Variants in NRG3 observed in about 807,000 individuals in gnomAD.
The protein encoded by NRG3 is neuregulin 3.
A neutral mutation model predicts 66.9 loss-of-function variants in NRG3; 31 were observed. That is an observed-to-expected ratio of 0.46 (90% CI 0.35 to 0.63). The LOEUF is 0.63. Ranked by LOEUF, NRG3 falls within the 20% of genes least tolerant of loss-of-function variation. NRG3 has a pLI of 0.00. For missense variants in NRG3, 910 were observed against 878.9 expected (o/e 1.04, Z -0.45); for synonymous variants, 393 against 359.4 (o/e 1.09, Z -1.06).
chr10:81,908,449 C>T (rs568081321), intron 1 of NRG3, among the ~76,000 whole-genome samples: 10 of 152,174 alleles, frequency 6.6e-5, no homozygotes, highest in African/African-American at 1.2e-4. Flanking sequence ...TGAAACATGC[C>T]GTACCCACTT....
chr10:81,924,844 G>C lies in NRG3; in HGVS notation c.823+48681G>C, dbSNP rs191551864. Among the ~76,000 whole-genome samples, 177 of 152,122 alleles carry C rather than the reference G, an allele frequency of 1.2e-3. 1 individual carries two copies. The highest frequency in any genetic ancestry group is 0.01 in the Middle Eastern group (3 of 294). On this transcript the variant is annotated intron_variant, in intron 1 of 8. Transcript: ENST00000372141. ...TGTTGTTTAATTGAGTGGATTTCCTGTTTGATAATTACTATTCTGTAGTTC... is the reference window on the plus strand; with the variant it reads ...TGTTGTTTAATTGAGTGGATTTCCTCTTTGATAATTACTATTCTGTAGTTC...
intron 1 of NRG3, among the ~76,000 whole-genome samples, chr10:81,902,507 T>C (rs1490025681): frequency 5.9e-5 from 9 of 152,118 alleles, no homozygotes; most frequent in Non-Finnish European, 1.2e-4. Context: ...CTTTCTCTGC[T>C]CTTGGGCATT....
chr10:82,813,254 C>T (rs2061569888), intron 3 of NRG3, among the ~76,000 whole-genome samples: 1 of 120,532 alleles, frequency 8.3e-6, no homozygotes, highest in South Asian at 2.7e-4. Context: ...TGCTCTGTTG[C>T]CCAGGCTGGA....
At position 82,644,630 on chromosome 10, in the gene NRG3, A is replaced by G. The variant is rs531116334; in HGVS notation, c.954-93947A>G. Among the ~76,000 whole-genome samples, 8 of 152,290 alleles carry G rather than the reference A, an allele frequency of 5.3e-5. No homozygotes were observed. The South Asian group carries it at 1.7e-3, about 32-fold the overall frequency. ...TAGCAATATTTAAATGAATGTGCAA[A>G]TAGAGGCAAAATTTGTTTTTTCTTC... On this transcript the variant is annotated intron_variant, in intron 2 of 8. Transcript: ENST00000372141.
At chr10:82,430,890 G>A (rs568016173) in intron 2 of NRG3, among the ~76,000 whole-genome samples, 1 of 152,146 alleles carries the variant, frequency 6.6e-6, no homozygotes, top group East Asian at 1.9e-4. Flanking sequence ...TTACAACTCT[G>A]TTTTAACCTT....
intron 2 of NRG3, among the ~76,000 whole-genome samples, chr10:82,374,312 C>T (rs964870759): frequency 3.3e-5 from 5 of 152,136 alleles, no homozygotes; most frequent in Admixed American, 6.6e-5. Context: ...GAGGGAAGGT[C>T]GCTTCCTCAA....
At chr10:81,929,063 G>A (rs181307364) in intron 1 of NRG3, among the ~76,000 whole-genome samples, 20 of 152,172 alleles carry the variant, frequency 1.3e-4, no homozygotes, top group Admixed American at 3.3e-4. Flanking sequence ...CTGGGCACGC[G>A]CAGTTCTCCC....
chr10:82,116,686 A>G (rs900488678), intron 1 of NRG3, among the ~76,000 whole-genome samples: 4 of 152,166 alleles, frequency 2.6e-5, no homozygotes, highest in Non-Finnish European at 5.9e-5. Context: ...AAAGTGTTTA[A>G]TAGACATATA....
At chr10:82,253,398 A>G (rs185967458) in intron 1 of NRG3, among the ~76,000 whole-genome samples, 13 of 152,230 alleles carry the variant, frequency 8.5e-5, no homozygotes, top group Non-Finnish European at 1.9e-4. Context: ...CAATCACACA[A>G]TGGGGGAGCT....
intron 2 of NRG3, among the ~76,000 whole-genome samples, chr10:82,448,058 C>G (rs1431367136): frequency 2.0e-5 from 3 of 152,170 alleles, no homozygotes; most frequent in African/African-American, 4.8e-5. Context: ...ATAGAGGAAG[C>G]ATTCAAAAAT....
At chr10:82,826,176 T>A (rs918271305) in intron 3 of NRG3, among the ~76,000 whole-genome samples, 1 of 152,194 alleles carries the variant, frequency 6.6e-6, no homozygotes, top group African/African-American at 2.4e-5. Flanking sequence ...GAGAGTTTGA[T>A]ATGAAGGATA....
chr10:82,973,848 G>C lies in NRG3; in HGVS notation c.1345G>C (p.Val449Leu). ...ALEKMMESSF[V>L]GPQSFPEVPS... is the part of the protein sequence containing the mutation. Reference sequence around the variant, plus strand: ...GGAGAAAATGATGGAGTCAAGTTTTGTCGGCCCCCAGTCATTCCCTGAGGT... The same window carrying C: ...GGAGAAAATGATGGAGTCAAGTTTTCTCGGCCCCCAGTCATTCCCTGAGGT... The change falls in exon 7 of 9, where the codon GTC becomes CTC. Residue 449 changes from valine to leucine, a missense_variant. Coordinates refer to ENST00000372141, the MANE Select transcript of NRG3 (RefSeq NM_001010848.4). 1 of 1,614,066 alleles carries C rather than the reference G, an allele frequency of 6.2e-7. No individual in the cohort carries two copies. Among genetic ancestry groups the C allele is most frequent in the Non-Finnish European group, 8.5e-7 (1 of 1,179,966 alleles).
chr10:82,972,084 T>C (rs997719495), intron 6 of NRG3, among the ~76,000 whole-genome samples: 1 of 152,156 alleles, frequency 6.6e-6, no homozygotes, highest in African/African-American at 2.4e-5. Context: ...TTCACACTTA[T>C]TCCTGTCACA....
intron 1 of NRG3, among the ~76,000 whole-genome samples, chr10:81,928,604 G>C (rs11191834): frequency 0.3 from 46,055 of 151,996 alleles, 8,641 homozygotes; most frequent in East Asian, 0.63. Context: ...ACATGAAACT[G>C]CCCTCCCTGC....
chr10:82,731,458 C>G (rs1236790329), intron 2 of NRG3, among the ~76,000 whole-genome samples: 3 of 151,488 alleles, frequency 2.0e-5, no homozygotes, highest in African/African-American at 7.3e-5. Context: ...AATCACCATT[C>G]TACTCTCTGC....
At chr10:82,117,762 A>T (rs928095728) in intron 1 of NRG3, among the ~76,000 whole-genome samples, 3 of 152,134 alleles carry the variant, frequency 2.0e-5, no homozygotes, top group African/African-American at 7.2e-5. Context: ...TTTGTAGCCC[A>T]TGCCTAATAT....
At chr10:82,021,786 A>ATGTGTGTG (rs71950373) in intron 1 of NRG3, among the ~76,000 whole-genome samples, 3 of 61,074 alleles carry the variant, frequency 4.9e-5, no homozygotes, top group African/African-American at 1.5e-4. Flanking sequence ...GGCATGTAGT[A>ATGTGTGTG]TGTGTGTGTG....
intron 1 of NRG3, among the ~76,000 whole-genome samples, chr10:82,229,949 A>C (rs976256296): frequency 1.3e-5 from 2 of 152,232 alleles, no homozygotes; most frequent in Non-Finnish European, 2.9e-5. Flanking sequence ...ATTAACAGTG[A>C]GTTAAAACAA....
chr10:82,728,988 T>G (rs1490836861), intron 2 of NRG3, among the ~76,000 whole-genome samples: 1 of 152,058 alleles, frequency 6.6e-6, no homozygotes, highest in East Asian at 1.9e-4. Context: ...TTTGTGTGTG[T>G]GTGTGAGGGT....
Sources: allele counts gnomAD v4.1 joint callset (sites outside exome capture counted in the v4.1 genomes callset), GRCh38; gene constraint gnomAD v4.1.1; transcripts MANE v1.5; gene names NCBI Gene and HGNC (gene_info 2026-07-23, HGNC 2026-07-21).